ZNF487: variants seen among roughly 807,000 people sequenced by gnomAD.
ZNF487 encodes the protein KRAB domain only 1.
Under a neutral mutation model 3.0 loss-of-function variants are expected in ZNF487, and 4 were observed. That is an observed-to-expected ratio of 1.35 (90% CI 0.66 to 3.08). The LOEUF (loss-of-function observed/expected upper bound fraction) is 3.08, where lower values mean the gene tolerates loss of function less well. Among genes scored for constraint, ZNF487 ranks in the 30% most tolerant of loss-of-function variants. The pLI is 0.01. For missense variants in ZNF487, 146 were observed against 98.7 expected, an observed-to-expected ratio of 1.48 and a Z score of -2.03; for synonymous variants, 55 against 34.6, an observed-to-expected ratio of 1.59 and a Z score of -2.06.
In ZNF487 at chr10:43,475,830, GC is replaced by G. The variant is rs1339720120; in HGVS notation, c.19del (p.Leu7SerfsTer27). The G allele has an allele frequency of 1.3e-6, 1 of 779,106 alleles. No individual in the cohort carries two copies. The highest frequency in any genetic ancestry group is 2.4e-6 in the Non-Finnish European group (1 of 417,428). 48.3% of individuals were successfully genotyped at this position (779,106 alleles called of 1,614,324 possible). On this transcript the variant is annotated frameshift_variant, in exon 2 of 4. Transcript: ENST00000437590. LOFTEE classifies it high-confidence loss of function. MLENY[S>X]LLLSVGYCIT... ...AGAGACATGATGCTGGAGAACTACA[GC>G]CTCCTCCTCTCAGTGGGTAAGGATT...
At chr10:43,496,018 A>T in the ZNF487 span, 5 of 532,936 alleles carry the variant, frequency 9.4e-6, no homozygotes, top group South Asian at 6.9e-5. Flanking sequence ...TTTTTCAGGG[A>T]TCAGTGTCGC....
chr10:43,523,705 G>A, the ZNF487 span: 1 of 152,852 alleles, frequency 6.5e-6, no homozygotes, highest in Non-Finnish European at 1.5e-5. Flanking sequence ...ACCCATAAGA[G>A]AGTGTGCTTC....
At chr10:43,509,305 C>T in the ZNF487 span, among the ~76,000 whole-genome samples, 2 of 65,882 alleles carry the variant, frequency 3.0e-5, no homozygotes, top group African/African-American at 7.1e-5. Flanking sequence ...GTGAATAGTG[C>T]CTCATGGTGG....
At chr10:43,513,633 C>T in the ZNF487 span, among the ~76,000 whole-genome samples, 1 of 152,144 alleles carries the variant, frequency 6.6e-6, no homozygotes, top group African/African-American at 2.4e-5. Context: ...TTTCATTTGG[C>T]CTTTACCACC....
the ZNF487 span, among the ~76,000 whole-genome samples, chr10:43,522,758 A>G: frequency 6.6e-6 from 1 of 152,036 alleles, no homozygotes; most frequent in African/African-American, 2.4e-5. Context: ...AAAAAAATAA[A>G]AACAAAGAAA....
chr10:43,490,872 C>T, the ZNF487 span, among the ~76,000 whole-genome samples: 169 of 150,722 alleles, frequency 1.1e-3, 1 homozygote, highest in Middle Eastern at 3.4e-3. Flanking sequence ...TGGGGTTTCT[C>T]CATGTTGGTC....
chr10:43,490,351 CAAACA>C, the ZNF487 span, among the ~76,000 whole-genome samples: 5 of 151,874 alleles, frequency 3.3e-5, no homozygotes, highest in African/African-American at 1.2e-4. Flanking sequence ...GACCCTGCCT[CAAACA>C]AAACAAAACA....
At position 43,482,983 on chromosome 10, in the gene ZNF487, C is replaced by A. The variant is rs755115978; in HGVS notation, c.*1061C>A. On this transcript the variant is annotated 3_prime_UTR_variant, in exon 4 of 4. Coordinates refer to ENST00000437590, the MANE Select transcript of ZNF487 (RefSeq NM_001355444.3). ...CTCACAACACATCAGAGAACACACA[C>A]AAGGGAGCAACCCTATGAATATAAT... The A allele has an allele frequency of 1.6e-5, 8 of 513,190 alleles. No homozygotes were observed. The highest frequency in any genetic ancestry group is 3.2e-5 in the Non-Finnish European group (8 of 252,316). The allele number at this position is 513,190 out of a possible 1,614,324, so 31.8% of individuals were successfully genotyped here.
intron 1 of ZNF487, among the ~76,000 whole-genome samples, chr10:43,444,421 T>C (rs1839728556): frequency 6.6e-6 from 1 of 152,182 alleles, no homozygotes; most frequent in East Asian, 1.9e-4. Flanking sequence ...GGTATTGAGC[T>C]TTACTTAATG....
At chr10:43,464,264 A>T (rs1199330423) in intron 1 of ZNF487, among the ~76,000 whole-genome samples, 1 of 151,150 alleles carries the variant, frequency 6.6e-6, no homozygotes, top group Non-Finnish European at 1.5e-5. Flanking sequence ...GCTCACTGAA[A>T]CCTCTGCCTC....
At chr10:43,465,217 G>A (rs1245853968) in intron 1 of ZNF487, among the ~76,000 whole-genome samples, 2 of 149,882 alleles carry the variant, frequency 1.3e-5, no homozygotes, top group Admixed American at 6.6e-5. Flanking sequence ...CCTCCTGGAC[G>A]GGGCGGCTGG....
the ZNF487 span, among the ~76,000 whole-genome samples, chr10:43,516,440 T>C: frequency 6.6e-6 from 1 of 152,212 alleles, no homozygotes; most frequent in Non-Finnish European, 1.5e-5. Context: ...ATTACGGTTC[T>C]CTAGAGGGAC....
In ZNF487 at chr10:43,481,531, G is replaced by T. The variant is rs1365244819; in HGVS notation, c.233G>T (p.Arg78Ile). 1.4e-6 allele frequency: 1 copy of T among 714,468 alleles called. No individual in the cohort carries two copies. The highest frequency in any genetic ancestry group is 2.0e-5 in the Admixed American group (1 of 49,304). 44.3% of individuals were successfully genotyped at this position (714,468 alleles called of 1,614,324 possible). The part of the protein sequence containing the change: ...FVNNKTLTMD[R>I]NGVLGKTFSL... ...AACAATAAAACACTGACTATGGACAGAAATGGTGTATTAGGAAAAACATTT... is the reference window on the plus strand; with the variant it reads ...AACAATAAAACACTGACTATGGACATAAATGGTGTATTAGGAAAAACATTT... Residue 78 changes from arginine to isoleucine, a missense_variant, in exon 4 of 4, where the codon AGA becomes ATA. Coordinates refer to ENST00000437590, the MANE Select transcript of ZNF487 (RefSeq NM_001355444.3).
chr10:43,519,203 A>G, the ZNF487 span, among the ~76,000 whole-genome samples: 5 of 152,096 alleles, frequency 3.3e-5, no homozygotes, highest in African/African-American at 1.2e-4. Context: ...AGTGTGAGCC[A>G]CCATACATTA....
chr10:43,500,101 C>T, the ZNF487 span, among the ~76,000 whole-genome samples: 5 of 152,140 alleles, frequency 3.3e-5, no homozygotes, highest in African/African-American at 1.2e-4. Flanking sequence ...TCTTGAACTC[C>T]TGACCTCAGG....
At chr10:43,459,772 TTATTA>T (rs1340326647) in intron 1 of ZNF487, among the ~76,000 whole-genome samples, 2 of 31,060 alleles carry the variant, frequency 6.4e-5, no homozygotes, top group African/African-American at 3.8e-4. Context: ...TGTGAGTTTA[TTATTA>T]TTATTATTAT....
intron 1 of ZNF487, among the ~76,000 whole-genome samples, chr10:43,455,833 G>T (rs1320378813): frequency 6.6e-6 from 1 of 152,250 alleles, no homozygotes; most frequent in Non-Finnish European, 1.5e-5. Flanking sequence ...TGCTGCTCTT[G>T]TGCGGACGCC....
chr10:43,440,628 A>C (rs937044438), intron 1 of ZNF487, among the ~76,000 whole-genome samples: 19 of 151,796 alleles, frequency 1.3e-4, no homozygotes, highest in African/African-American at 4.3e-4. Flanking sequence ...ACTGCACTCC[A>C]GCCTGGGCAA....
At chr10:43,480,117 C>CT (rs917998570) in intron 3 of ZNF487, among the ~76,000 whole-genome samples, 1 of 131,564 alleles carries the variant, frequency 7.6e-6, no homozygotes. Context: ...TCTTTCTTTT[C>CT]TTTTTTTTGA....
Sources: allele counts gnomAD v4.1 joint callset (sites outside exome capture counted in the v4.1 genomes callset), GRCh38; gene constraint gnomAD v4.1.1; transcripts MANE v1.5; gene names NCBI Gene and HGNC (gene_info 2026-07-23, HGNC 2026-07-21).